The following LINGO2 variants were observed in gnomAD, a reference collection of about 807,000 sequenced individuals.
LINGO2 encodes the protein leucine rich repeat and Ig domain containing 2, also known as leucine-rich repeat and immunoglobulin-like domain-containing nogo receptor-interacting protein 2.
A neutral mutation model predicts 30.6 loss-of-function variants in LINGO2; 14 were observed. That is an observed-to-expected ratio of 0.46 (90% CI 0.30 to 0.72). LINGO2 has a LOEUF of 0.72. Ranked by LOEUF, LINGO2 falls within the 30% of genes least tolerant of loss-of-function variation. The probability of loss-of-function intolerance (pLI) is 0.07; values close to 1 mark genes in which losing one functional copy is unlikely to be tolerated. For missense variants in LINGO2, 729 were observed against 751.7 expected (o/e 0.97, Z 0.35); for synonymous variants, 317 against 288.5 (o/e 1.10, Z -1.00).
At chr9:28,063,923 T>C (rs1825231711) in intron 4 of LINGO2, among the ~76,000 whole-genome samples, 1 of 152,158 alleles carries the variant, frequency 6.6e-6, no homozygotes. Context: ...GCTTAAGTAT[T>C]TGAGTTCTAG....
At chr9:28,552,241 T>A (rs1188796092) in intron 1 of LINGO2, among the ~76,000 whole-genome samples, 1 of 152,012 alleles carries the variant, frequency 6.6e-6, no homozygotes, top group East Asian at 1.9e-4. Flanking sequence ...GATGGGTGAT[T>A]CCCTCTACCT....
chr9:29,050,023 T>G, the LINGO2 span, among the ~76,000 whole-genome samples: 1 of 143,834 alleles, frequency 7.0e-6, no homozygotes, highest in Non-Finnish European at 1.5e-5. Flanking sequence ...TGTGATGATG[T>G]GCTTATTACA....
intron 3 of LINGO2, among the ~76,000 whole-genome samples, chr9:28,351,124 G>T (rs1279832584): frequency 1.3e-5 from 2 of 151,324 alleles, no homozygotes; most frequent in African/African-American, 4.9e-5. Flanking sequence ...TCAAAAGCTA[G>T]CAGAAGGCAA....
chr9:27,958,064 T>C (rs1819664294), intron 5 of LINGO2, among the ~76,000 whole-genome samples: 1 of 152,184 alleles, frequency 6.6e-6, no homozygotes, highest in Non-Finnish European at 1.5e-5. Context: ...TTTTCACCAT[T>C]AAGTTTGATG....
chr9:27,999,362 A>G (rs1821827860), intron 5 of LINGO2, among the ~76,000 whole-genome samples: 1 of 151,932 alleles, frequency 6.6e-6, no homozygotes, highest in South Asian at 2.1e-4. Flanking sequence ...GTGCAGGTGT[A>G]ACTTGCCAGC....
the LINGO2 span, among the ~76,000 whole-genome samples, chr9:28,807,720 G>A: frequency 1.4e-4 from 21 of 152,168 alleles, no homozygotes; most frequent in Admixed American, 1.4e-3. Flanking sequence ...TAGTAAGAGA[G>A]TATATAGGCT....
chr9:28,565,023 T>C (rs1027579133), intron 1 of LINGO2, among the ~76,000 whole-genome samples: 1 of 152,168 alleles, frequency 6.6e-6, no homozygotes, highest in African/African-American at 2.4e-5. Context: ...CCTCCAAATT[T>C]ACAAACTGAA....
chr9:29,146,593 A>G, the LINGO2 span, among the ~76,000 whole-genome samples: 1 of 152,196 alleles, frequency 6.6e-6, no homozygotes, highest in African/African-American at 2.4e-5. Context: ...GTAAGAAACT[A>G]CTGAGTTTTT....
intron 1 of LINGO2, among the ~76,000 whole-genome samples, chr9:28,531,211 G>A (rs1368722987): frequency 1.3e-5 from 2 of 151,888 alleles, no homozygotes; most frequent in Admixed American, 6.6e-5. Context: ...AATGACATAT[G>A]ATCAGCTTCC....
chr9:28,287,271 A>G (rs970331417), intron 4 of LINGO2, among the ~76,000 whole-genome samples: 5 of 152,216 alleles, frequency 3.3e-5, no homozygotes, highest in Non-Finnish European at 5.9e-5. Flanking sequence ...GTAATTTTCA[A>G]TAAAATAACT....
intron 5 of LINGO2, among the ~76,000 whole-genome samples, chr9:28,001,878 C>T (rs1320376954): frequency 1.3e-5 from 2 of 152,106 alleles, no homozygotes; most frequent in African/African-American, 4.8e-5. Flanking sequence ...CAAGCAATGA[C>T]AAGTATTTAT....
chr9:29,076,842 T>A, the LINGO2 span, among the ~76,000 whole-genome samples: 4 of 151,888 alleles, frequency 2.6e-5, no homozygotes, highest in Non-Finnish European at 4.4e-5. Context: ...ATAGGCAATA[T>A]TTAAAATGTG....
intron 4 of LINGO2, among the ~76,000 whole-genome samples, chr9:28,043,404 A>T (rs1322081433): frequency 6.6e-6 from 1 of 152,176 alleles, no homozygotes; most frequent in Non-Finnish European, 1.5e-5. Context: ...AAGATTTTTC[A>T]TCTGACAAGT....
At chr9:28,083,178 T>A (rs918192084) in intron 4 of LINGO2, among the ~76,000 whole-genome samples, 1 of 152,222 alleles carries the variant, frequency 6.6e-6, no homozygotes, top group African/African-American at 2.4e-5. Context: ...AGATAGGACC[T>A]GCTTTTGGTG....
the LINGO2 span, among the ~76,000 whole-genome samples, chr9:28,997,976 T>A: frequency 6.6e-6 from 1 of 152,206 alleles, no homozygotes; most frequent in African/African-American, 2.4e-5. Context: ...GTAGCTGTTA[T>A]TACCAGACTT....
At chr9:29,150,306 C>A in the LINGO2 span, among the ~76,000 whole-genome samples, 2 of 152,106 alleles carry the variant, frequency 1.3e-5, no homozygotes, top group Non-Finnish European at 2.9e-5. Flanking sequence ...ATGAAATGGA[C>A]AACAGTCTAC....
At chr9:28,539,823 A>G (rs1435477536) in intron 1 of LINGO2, among the ~76,000 whole-genome samples, 1 of 152,156 alleles carries the variant, frequency 6.6e-6, no homozygotes, top group Non-Finnish European at 1.5e-5. Context: ...CTTCAGTAGC[A>G]TCTGGTAAGC....
At chr9:28,648,659 T>G (rs1164308331) in intron 1 of LINGO2, among the ~76,000 whole-genome samples, 1 of 152,162 alleles carries the variant, frequency 6.6e-6, no homozygotes, top group African/African-American at 2.4e-5. Context: ...ACAATTGTCC[T>G]CTTTCTCACA....
At chr9:28,865,853 G>A in the LINGO2 span, among the ~76,000 whole-genome samples, 1 of 152,106 alleles carries the variant, frequency 6.6e-6, no homozygotes, top group African/African-American at 2.4e-5. Context: ...GTGGCTCTTT[G>A]AATAACCATT....
Sources: allele counts gnomAD v4.1 joint callset (sites outside exome capture counted in the v4.1 genomes callset), GRCh38; gene constraint gnomAD v4.1.1; transcripts MANE v1.5; gene names NCBI Gene and HGNC (gene_info 2026-07-23, HGNC 2026-07-21).